The following HEATR5B variants were observed in gnomAD, a reference collection of about 807,000 sequenced individuals.
HEATR5B encodes the protein HEAT repeat-containing protein 5B.
In HEATR5B, 156 loss-of-function variants were observed where a neutral mutation model predicts 224.1. The observed-to-expected ratio is 0.70, with a 90% CI of 0.61 to 0.80. The LOEUF is 0.80. Among genes scored for constraint, HEATR5B ranks in the 30% least tolerant of loss-of-function variants. The pLI is 0.00. For missense variants in HEATR5B, 2,323 were observed against 2,535.5 expected (o/e 0.92, Z 1.80); for synonymous variants, 1,027 against 893.0 (o/e 1.15, Z -2.68).
rs750871100 is a variant in HEATR5B at position 36,990,636 on chromosome 2, C to T, written c.5697+12G>A. 3.2e-6 allele frequency: 5 copies of T among 1,545,184 alleles called. No individual in the cohort carries two copies. The highest frequency in any genetic ancestry group is 1.4e-5 in the African/African-American group (1 of 72,788). The stretch of plus-strand genomic sequence containing the variant: ...AATGTTTTTATCTATGTCTGTGTAA[C>T]GTGTAACTTACCCATGGGTCGCATG... On this transcript the variant is annotated intron_variant, in intron 34 of 35. Coordinates refer to ENST00000233099, the MANE Select transcript of HEATR5B (RefSeq NM_019024.3).
intron 26 of HEATR5B, among the ~76,000 whole-genome samples, chr2:37,015,630 G>A (rs1375737416): frequency 6.6e-6 from 1 of 152,196 alleles, no homozygotes; most frequent in Non-Finnish European, 1.5e-5. Flanking sequence ...TGATACTACT[G>A]CTTTACGGGG....
intron 18 of HEATR5B, among the ~76,000 whole-genome samples, chr2:37,043,102 C>T (rs1669979026): frequency 6.6e-6 from 1 of 152,154 alleles, no homozygotes; most frequent in Admixed American, 6.6e-5. Context: ...TAGAGTTGAG[C>T]AAACTTTCCA....
chr2:37,040,670 A>G (rs1416322852), intron 19 of HEATR5B, 152 bp from the exon 20 acceptor site: 1 of 588,246 alleles, frequency 1.7e-6, no homozygotes, highest in African/African-American at 1.9e-5. Flanking sequence ...TTTCATACAC[A>G]TTCTTCATCT....
intron 24 of HEATR5B, among the ~76,000 whole-genome samples, chr2:37,026,666 T>C (rs1668797593): frequency 6.6e-6 from 1 of 152,218 alleles, no homozygotes; most frequent in Admixed American, 6.5e-5. Context: ...ATCCCTACCA[T>C]ATACCAAAAA....
Position 37,008,739 on chromosome 2 carries a change from G to A in HEATR5B, c.4394C>T (p.Pro1465Leu). ...DDDCGTIDELPPDSLITLVQP... is the reference protein window; with the variant it reads ...DDDCGTIDELLPDSLITLVQP... The stretch of plus-strand genomic sequence containing the variant: ...TACCAGTGTTATTAAACTATCTGGT[G>A]GCAGTTCATCGATGGTACCACAGTC... Residue 1465 changes from proline (P) to leucine (L), a missense_variant, in exon 28 of 36, where the codon CCA becomes CTA. Physicochemically the swap from Pro to Leu is moderately conservative, Grantham distance 98. Coordinates refer to ENST00000233099, the MANE Select transcript of HEATR5B (RefSeq NM_019024.3). 1 of 1,613,552 alleles carries A rather than the reference G, an allele frequency of 6.2e-7. No individual in the cohort carries two copies. The highest frequency in any genetic ancestry group is 8.5e-7 in the Non-Finnish European group (1 of 1,179,506).
chr2:36,984,703 G>A (rs1202819821), intron 35 of HEATR5B, among the ~76,000 whole-genome samples: 6 of 152,096 alleles, frequency 3.9e-5, no homozygotes, highest in Non-Finnish European at 7.4e-5. Flanking sequence ...TACACGTTGG[G>A]GAGCAGAAAA....
At chr2:37,052,099 AAT>A (rs1395337038) in intron 17 of HEATR5B, among the ~76,000 whole-genome samples, 1 of 152,222 alleles carries the variant, frequency 6.6e-6, no homozygotes, top group Admixed American at 6.5e-5. Flanking sequence ...ATGTTTACAA[AAT>A]ATGACTTAAG....
intron 26 of HEATR5B, among the ~76,000 whole-genome samples, chr2:37,014,803 C>T (rs554630935): frequency 7.3e-5 from 11 of 151,684 alleles, no homozygotes; most frequent in East Asian, 3.9e-4. Context: ...ATGGTGAAAC[C>T]CCATCTCTAC....
chr2:37,008,346 T>C (rs948548215), intron 28 of HEATR5B: 8 of 502,094 alleles, frequency 1.6e-5, no homozygotes, highest in Non-Finnish European at 2.5e-5. Flanking sequence ...TTGTTACCCA[T>C]AGCTATTTAG....
intron 18 of HEATR5B, among the ~76,000 whole-genome samples, chr2:37,044,768 A>T (rs1670086011): frequency 6.6e-6 from 1 of 152,224 alleles, no homozygotes; most frequent in Non-Finnish European, 1.5e-5. Flanking sequence ...TGAGATTTCA[A>T]TTATATGCAT....
chr2:37,015,762 T>C (rs1668072199), intron 26 of HEATR5B, among the ~76,000 whole-genome samples: 1 of 152,164 alleles, frequency 6.6e-6, no homozygotes, highest in African/African-American at 2.4e-5. Context: ...TGGAAAGATA[T>C]TCAGCAGGCA....
At chr2:37,028,428 G>A (rs565599716) in intron 23 of HEATR5B, among the ~76,000 whole-genome samples, 1 of 151,908 alleles carries the variant, frequency 6.6e-6, no homozygotes, top group African/African-American at 2.4e-5. Flanking sequence ...GTAACTTGGG[G>A]TTTTTATACA....
chr2:37,012,244 A>G (rs1454070397), intron 27 of HEATR5B, among the ~76,000 whole-genome samples: 3 of 152,162 alleles, frequency 2.0e-5, no homozygotes, highest in Non-Finnish European at 4.4e-5. Context: ...GTCACTTAAT[A>G]TCATCATCTT....
intron 33 of HEATR5B, among the ~76,000 whole-genome samples, chr2:36,991,798 G>A (rs1210831387): frequency 2.0e-5 from 3 of 152,114 alleles, no homozygotes; most frequent in East Asian, 3.9e-4. Context: ...TACTTTAGAA[G>A]GATTACAAAC....
At position 37,013,990 on chromosome 2, in the gene HEATR5B, C is replaced by G; in HGVS notation, c.4135G>C (p.Val1379Leu). ...VCSTWIGSGV[V>L]SDLNDLRRVH... ...CGACGGAGATCATTGAGATCACTGA[C>G]AACTCCACTTCCTATCCATGTACTA... is the stretch of plus-strand genomic sequence containing the variant. Residue 1379 changes from valine (V) to leucine (L), a missense_variant, in exon 27 of 36, where the codon GTC becomes CTC. By Grantham distance (32) the Val-to-Leu change is conservative (BLOSUM62 1). Around this residue, in one of 12 missense-constraint regions of HEATR5B, gnomAD observed 339 missense variants for 378.4 expected, o/e 0.90. Coordinates refer to ENST00000233099, the MANE Select transcript of HEATR5B (RefSeq NM_019024.3). The G allele has an allele frequency of 1.9e-6, 3 of 1,605,978 alleles. No individual in the cohort carries two copies. Among genetic ancestry groups the G allele is most frequent in the Non-Finnish European group, 2.6e-6 (3 of 1,175,688 alleles).
intron 4 of HEATR5B, chr2:37,075,914 A>G (rs1486655038): frequency 9.9e-6 from 2 of 201,800 alleles, no homozygotes; most frequent in African/African-American, 4.6e-5. Context: ...ACATGAAGAG[A>G]TTCAAAAGCT....
At chr2:37,041,350 A>T in intron 18 of HEATR5B, 58 bp from the exon 19 acceptor site, 2 of 1,497,626 alleles carry the variant, frequency 1.3e-6, no homozygotes, top group Non-Finnish European at 1.8e-6. Context: ...AAAAACAACA[A>T]CATTATAAGT....
intron 30 of HEATR5B, among the ~76,000 whole-genome samples, chr2:37,004,361 G>C (rs929719578): frequency 6.7e-6 from 1 of 149,754 alleles, no homozygotes; most frequent in Non-Finnish European, 1.5e-5. Context: ...ATCATATCTC[G>C]TATGTTTTCA....
rs1670406115 is a variant in HEATR5B at position 37,049,537 on chromosome 2, C to T, written c.2696+116G>A. 3 of 898,878 alleles carry T rather than the reference C, an allele frequency of 3.3e-6. No homozygotes were observed. The South Asian group carries it at 5.0e-5, about 15-fold the overall frequency. The allele number at this position is 898,878 out of a possible 1,614,324, so 55.7% of individuals were successfully genotyped here. On this transcript the variant is annotated intron_variant, in intron 18 of 35. Coordinates refer to ENST00000233099, the MANE Select transcript of HEATR5B (RefSeq NM_019024.3). ...AAAAATTGAGATCATTACAAAAAACCCACAAAATATTATCACATGCTGTAT... is the reference window on the plus strand; with the variant it reads ...AAAAATTGAGATCATTACAAAAAACTCACAAAATATTATCACATGCTGTAT...
Sources: gnomAD v4.1 joint callset for allele counts (sites outside exome capture counted in the v4.1 genomes callset) on GRCh38, gnomAD v4.1.1 for gene constraint, gnomAD v4.1.1 regional missense constraint, MANE v1.5 for transcripts, NCBI Gene and HGNC (gene_info 2026-07-23, HGNC 2026-07-21) for gene names.